NCOA1: variants seen among roughly 807,000 people sequenced by gnomAD.
NCOA1 encodes the protein Hin-2 protein.
In NCOA1, 35 loss-of-function variants were observed where a neutral mutation model predicts 150.9. The observed-to-expected ratio is 0.23, with a 90% CI of 0.18 to 0.31. The LOEUF (loss-of-function observed/expected upper bound fraction) is 0.31. Among genes scored for constraint, NCOA1 ranks in the 10% least tolerant of loss-of-function variants. The probability of loss-of-function intolerance (pLI) is 1.00; values close to 1 mark genes in which losing one functional copy is unlikely to be tolerated. For synonymous variants in NCOA1, 590 were observed against 630.0 expected, an observed-to-expected ratio of 0.94 and a Z score of 0.95; for missense variants, 1,491 against 1,749.3, an observed-to-expected ratio of 0.85 and a Z score of 2.63.
chr2:24,741,908 A>C lies in NCOA1; in HGVS notation c.3428A>C (p.Asn1143Thr). 6.2e-7 allele frequency: 1 copy of C among 1,613,748 alleles called. No homozygotes were observed. The highest frequency in any genetic ancestry group is 8.5e-7 in the Non-Finnish European group (1 of 1,179,930). ...ATGAGGCAGCAAAGCTTTGGGAACAACCTCCCTCCCTCATCTGGACTACCA... is the reference window on the plus strand; with the variant it reads ...ATGAGGCAGCAAAGCTTTGGGAACACCCTCCCTCCCTCATCTGGACTACCA... The part of the protein sequence containing the change: ...MLMRQQSFGN[N>T]LPPSSGLPVQ... The change falls in exon 19 of 23, where the codon AAC becomes ACC. Residue 1143 changes from asparagine (N) to threonine (T), a missense_variant. By Grantham distance (65) the Asn-to-Thr change is moderately conservative. Around this residue, in one of 8 missense-constraint regions of NCOA1, gnomAD observed 485 missense variants for 522.8 expected, o/e 0.93. Coordinates refer to ENST00000348332, the MANE Select transcript of NCOA1 (RefSeq NM_003743.5).
At chr2:24,546,864 T>C (rs1425035879) in intron 1 of NCOA1, among the ~76,000 whole-genome samples, 1 of 152,192 alleles carries the variant, frequency 6.6e-6, no homozygotes, top group Admixed American at 6.5e-5. Context: ...AGCATTGTGG[T>C]GTCAGAGTAG....
At chr2:24,663,945 G>A (rs780033236) in intron 5 of NCOA1, among the ~76,000 whole-genome samples, 5 of 152,102 alleles carry the variant, frequency 3.3e-5, no homozygotes, top group South Asian at 2.1e-4. Context: ...AGAGTTCCAC[G>A]AAGAGAGTCC....
chr2:24,517,002 G>GCACA (rs796783517), intron 1 of NCOA1, among the ~76,000 whole-genome samples: 4,858 of 25,754 alleles, frequency 0.19, 215 homozygotes, highest in East Asian at 0.52. Context: ...ATACACACGC[G>GCACA]CGCACACACA....
intron 16 of NCOA1, among the ~76,000 whole-genome samples, chr2:24,728,683 A>G (rs1373308127): frequency 1.3e-5 from 2 of 152,188 alleles, no homozygotes; most frequent in Non-Finnish European, 2.9e-5. Context: ...GCTTTTCACT[A>G]TGGAACAGAA....
At chr2:24,701,506 C>CAAAAAAAA (rs577569400) in intron 11 of NCOA1, among the ~76,000 whole-genome samples, 1 of 78,344 alleles carries the variant, frequency 1.3e-5, no homozygotes, top group Non-Finnish European at 2.4e-5. Flanking sequence ...GACACTGTCT[C>CAAAAAAAA]AAAAAAAAAA....
intron 1 of NCOA1, among the ~76,000 whole-genome samples, chr2:24,513,587 TGTG>T (rs1664027375): frequency 1.3e-5 from 2 of 150,988 alleles, no homozygotes; most frequent in Admixed American, 6.6e-5. Flanking sequence ...GTAAGGAAAA[TGTG>T]TGTGTGTGTG....
chr2:24,601,208 T>C (rs1668098197), intron 3 of NCOA1, among the ~76,000 whole-genome samples: 1 of 147,272 alleles, frequency 6.8e-6, no homozygotes, highest in African/African-American at 2.4e-5. Flanking sequence ...ATCTTTAACA[T>C]CTTCTGTTTT....
Position 24,654,583 on chromosome 2 carries a change from T to G in NCOA1, c.-17-4078T>G, listed in dbSNP as rs189979916. ...ACCGGATTACTAAGATGAGAAAGAT[T>G]GTACTTACTCTTCACAGAGGAAGTC... On this transcript the variant is annotated intron_variant, in intron 4 of 22. Coordinates refer to ENST00000348332, the MANE Select transcript of NCOA1 (RefSeq NM_003743.5). Among the ~76,000 whole-genome samples, 9 of 152,294 alleles carry G rather than the reference T, an allele frequency of 5.9e-5. No homozygotes were observed. In the East Asian group the frequency reaches 1.7e-3, roughly 29 times the overall value.
intron 3 of NCOA1, among the ~76,000 whole-genome samples, chr2:24,612,169 T>A (rs1668660696): frequency 6.6e-6 from 1 of 152,220 alleles, no homozygotes; most frequent in Non-Finnish European, 1.5e-5. Flanking sequence ...TCTTTGCTTA[T>A]GAAGCTTAGT....
intron 18 of NCOA1, among the ~76,000 whole-genome samples, 162 bp from the exon 19 acceptor site, chr2:24,741,622 A>G (rs917108439): frequency 6.6e-6 from 1 of 152,156 alleles, no homozygotes. Context: ...TGTGATTGTT[A>G]CTTAAGAGGT....
chr2:24,749,783 T>C (rs1664125310), intron 19 of NCOA1, among the ~76,000 whole-genome samples: 1 of 152,188 alleles, frequency 6.6e-6, no homozygotes, highest in Admixed American at 6.5e-5. Flanking sequence ...TTTTTAAAAC[T>C]ACCAGGTATG....
At chr2:24,765,498 CA>C (rs200703883) in intron 22 of NCOA1, among the ~76,000 whole-genome samples, 238 of 120,790 alleles carry the variant, frequency 2.0e-3, no homozygotes, top group Admixed American at 3.2e-3. Flanking sequence ...GACTCTGTCT[CA>C]AAAAAAAAAA....
chr2:24,565,848 C>T (rs1666481294), intron 2 of NCOA1, among the ~76,000 whole-genome samples: 2 of 152,190 alleles, frequency 1.3e-5, no homozygotes, highest in South Asian at 4.1e-4. Context: ...CAAGCTGTGT[C>T]TGGACTAGGT....
At chr2:24,511,312 G>C (rs1459377774) in intron 1 of NCOA1, among the ~76,000 whole-genome samples, 1 of 152,136 alleles carries the variant, frequency 6.6e-6, no homozygotes, top group East Asian at 1.9e-4. Context: ...ATGAATTGCG[G>C]GGTCATATGA....
intron 7 of NCOA1, 128 bp from the exon 8 acceptor site, chr2:24,682,823 A>G (rs1572586197): frequency 1.4e-6 from 1 of 715,314 alleles, no homozygotes; most frequent in East Asian, 3.2e-5. Context: ...TGCGTATCAC[A>G]ATTTCCTTGA....
rs775255272 is a variant in NCOA1, at chr2:24,705,203, C to A, written c.1067C>A (p.Pro356His). The A allele has an allele frequency of 6.2e-7, 1 of 1,613,990 alleles. No homozygotes were observed. Among genetic ancestry groups the A allele is most frequent in the Admixed American group, 1.7e-5 (1 of 60,020 alleles). The change falls in exon 12 of 23, where the codon CCT (proline) becomes CAT (histidine). Residue 356 changes from proline to histidine, a missense_variant. Pro to His is a moderately conservative substitution (Grantham distance 77). Transcript: ENST00000348332. The part of the protein sequence containing the change: ...LCYPQSPDMQ[P>H]FIMGIHIIDR... ...TACCCTCAAAGTCCAGACATGCAAC[C>A]TTTCATCATGGGAATTCATATCATC...
intron 11 of NCOA1, among the ~76,000 whole-genome samples, chr2:24,700,540 A>G (rs1205301355): frequency 3.3e-5 from 5 of 152,196 alleles, no homozygotes; most frequent in African/African-American, 1.2e-4. Context: ...ATTTTCCAGA[A>G]TCAAGTTTGA....
intron 7 of NCOA1, chr2:24,676,305 T>C (rs531054899): frequency 6.6e-6 from 1 of 152,666 alleles, no homozygotes; most frequent in South Asian, 2.1e-4. Context: ...AAAACTTGGA[T>C]GTGGTGCTCA....
chr2:24,581,448 C>T (rs1006083201), intron 2 of NCOA1, among the ~76,000 whole-genome samples: 1 of 152,200 alleles, frequency 6.6e-6, no homozygotes, highest in East Asian at 1.9e-4. Flanking sequence ...GTGGGAGCTA[C>T]AGGCACAGAG....
Sources: allele counts gnomAD v4.1 joint callset (sites outside exome capture counted in the v4.1 genomes callset), GRCh38; gene constraint gnomAD v4.1.1; regional missense constraint gnomAD v4.1.1; transcripts MANE v1.5; gene names NCBI Gene and HGNC (gene_info 2026-07-23, HGNC 2026-07-21).